Variants in NTN1 observed in about 807,000 individuals in gnomAD.
The protein encoded by NTN1 is netrin-1.
Under a neutral mutation model 54.2 loss-of-function variants are expected in NTN1, and 11 were observed. The ratio of observed to expected loss-of-function variants is 0.20; its 90% CI spans 0.13 to 0.34. The LOEUF is 0.34. Among genes scored for constraint, NTN1 ranks in the 10% least tolerant of loss-of-function variants. The pLI is 1.00. For synonymous variants in NTN1, 371 were observed against 382.0 expected, an observed-to-expected ratio of 0.97 and a Z score of 0.33; for missense variants, 740 against 893.1, an observed-to-expected ratio of 0.83 and a Z score of 2.18.
chr17:9,234,598 G>A (rs572798076), intron 6 of NTN1, among the ~76,000 whole-genome samples: 1 of 152,336 alleles, frequency 6.6e-6, no homozygotes, highest in African/African-American at 2.4e-5. Context: ...TCCCACATCC[G>A]AACCCTGGTT....
intron 2 of NTN1, among the ~76,000 whole-genome samples, chr17:9,152,628 A>T (rs2092330906): frequency 6.6e-6 from 1 of 152,024 alleles, no homozygotes; most frequent in Non-Finnish European, 1.5e-5. Flanking sequence ...CAGCGTCATT[A>T]CCTAGCCTGG....
At chr17:9,234,794 G>A (rs1005528045) in intron 6 of NTN1, among the ~76,000 whole-genome samples, 11 of 152,196 alleles carry the variant, frequency 7.2e-5, no homozygotes, top group African/African-American at 2.4e-4. Flanking sequence ...GCAGGCGGAG[G>A]CCAGGCTCCC....
the NTN1 span, among the ~76,000 whole-genome samples, chr17:9,003,509 C>G: frequency 7.3e-5 from 11 of 150,102 alleles, no homozygotes; most frequent in African/African-American, 2.7e-4. This position sits in a 1 kb window ranked among gnomAD's most constrained non-coding sequence, Gnocchi z 7.4. Flanking sequence ...CCTGCCCGCC[C>G]GGGTCCTTTG....
chr17:9,235,108 G>A (rs1472091231), intron 6 of NTN1, among the ~76,000 whole-genome samples: 2 of 151,972 alleles, frequency 1.3e-5, no homozygotes, highest in African/African-American at 2.4e-5. Flanking sequence ...GATTACAGGT[G>A]TCCACCACCA....
the NTN1 span, among the ~76,000 whole-genome samples, chr17:9,013,568 T>C: frequency 6.6e-6 from 1 of 152,178 alleles, no homozygotes; most frequent in African/African-American, 2.4e-5. Flanking sequence ...CTAAGAGTAT[T>C]TTAAATGATG....
intron 5 of NTN1, among the ~76,000 whole-genome samples, chr17:9,193,939 A>C (rs1341890798): frequency 6.1e-5 from 5 of 81,832 alleles, no homozygotes; most frequent in African/African-American, 1.9e-4. Flanking sequence ...AAAAAAAAAA[A>C]AAAAACATTA....
At chr17:9,179,329 C>A (rs1248376708) in intron 3 of NTN1, among the ~76,000 whole-genome samples, 1 of 152,216 alleles carries the variant, frequency 6.6e-6, no homozygotes, top group Non-Finnish European at 1.5e-5. Flanking sequence ...AACCCCAGAG[C>A]TTCACCAGGC....
chr17:9,073,002 A>G (rs935570752), intron 2 of NTN1, among the ~76,000 whole-genome samples: 8 of 152,234 alleles, frequency 5.3e-5, no homozygotes, highest in African/African-American at 1.9e-4. Flanking sequence ...TAACATGATT[A>G]CCCCAAAGTC....
At chr17:9,004,510 T>C in the NTN1 span, among the ~76,000 whole-genome samples, 1 of 152,212 alleles carries the variant, frequency 6.6e-6, no homozygotes, top group Non-Finnish European at 1.5e-5. Context: ...GGTGACGCGC[T>C]AAGTGTTGGG....
intron 2 of NTN1, among the ~76,000 whole-genome samples, chr17:9,160,296 G>A (rs1474741562): frequency 1.3e-5 from 2 of 151,914 alleles, no homozygotes; most frequent in Admixed American, 1.3e-4. Context: ...GTAGAGACGG[G>A]GTTTCACCAT....
intron 6 of NTN1, among the ~76,000 whole-genome samples, chr17:9,224,008 C>A (rs1905452741): frequency 6.6e-6 from 1 of 152,182 alleles, no homozygotes; most frequent in Non-Finnish European, 1.5e-5. Flanking sequence ...TGTGGAGAGG[C>A]AGCTGGGAGC....
chr17:9,155,838 G>A (rs965625820), intron 2 of NTN1, among the ~76,000 whole-genome samples: 1 of 152,138 alleles, frequency 6.6e-6, no homozygotes, highest in African/African-American at 2.4e-5. Flanking sequence ...GAAGTTTAGC[G>A]ACCTCTCTGG....
chr17:9,088,852 CCTCT>C (rs2092098800), intron 2 of NTN1, among the ~76,000 whole-genome samples: 1 of 152,144 alleles, frequency 6.6e-6, no homozygotes, highest in South Asian at 2.1e-4. Flanking sequence ...GGAGAAACAA[CCTCT>C]CTCCGGGTTC....
intron 2 of NTN1, among the ~76,000 whole-genome samples, chr17:9,039,293 G>C (rs1047927149): frequency 2.6e-4 from 40 of 152,154 alleles, no homozygotes; most frequent in Middle Eastern, 3.2e-3. Context: ...AATGCCATTA[G>C]TAATTTGACA....
In NTN1 at chr17:9,243,268, ACCCAGGGAGGGAGGGTCACAG is replaced by A. The variant is rs373528309; in HGVS notation, c.*3311_*3331del. The A allele has an allele frequency of 1.6e-4, 25 of 151,564 alleles. No homozygotes were observed. The highest frequency in any genetic ancestry group is 4.9e-4 in the African/African-American group (20 of 41,180). The allele number at this position is 151,564 out of a possible 1,614,324, so 9.4% of individuals were successfully genotyped here. ...GGAGGGAGGGACACCTGGGGTCACA[ACCCAGGGAGGGAGGGTCACAG>A]CCCAGGGAGGCTGGGAGCTGCTCCA... is the stretch of plus-strand genomic sequence containing the variant. On this transcript the variant is annotated 3_prime_UTR_variant, in exon 7 of 7. Transcript: ENST00000173229.
At chr17:9,156,719 T>C (rs547840606) in intron 2 of NTN1, among the ~76,000 whole-genome samples, 2 of 152,290 alleles carry the variant, frequency 1.3e-5, no homozygotes, top group African/African-American at 4.8e-5. Context: ...AGCACAGCAG[T>C]CTACTTGAGC....
rs1009233111 is a variant in NTN1, at chr17:9,140,774, C to T, written c.1019-22039C>T. On this transcript the variant is annotated intron_variant, in intron 2 of 6. Coordinates refer to ENST00000173229, the MANE Select transcript of NTN1 (RefSeq NM_004822.3). ...TTGTCCTGCACAGGAGGGAAAAGGT[C>T]GTCTCTCCCTAGAATTCATTACCAC... Among the ~76,000 whole-genome samples, 5 of 152,160 alleles carry T rather than the reference C, an allele frequency of 3.3e-5. No individual in the cohort carries two copies. The South Asian group carries it at 6.2e-4, about 19-fold the overall frequency.
In NTN1 at chr17:9,163,147, G is replaced by GACACACAC. The variant is rs56255655; in HGVS notation, c.1207+177_1207+184dup. 427 of 524,734 alleles carry GACACACAC rather than the reference G, an allele frequency of 8.1e-4. 4 individuals are homozygous for GACACACAC. The highest frequency in any genetic ancestry group is 7.2e-3 in the African/African-American group (364 of 50,852). The allele number at this position is 524,734 out of a possible 1,614,324, so 32.5% of individuals were successfully genotyped here. On this transcript the variant is annotated intron_variant, in intron 3 of 6. Transcript: ENST00000173229. ...CATCTCTCTCTCTTTCTCTCTCTGTGACACACACACACACACACACACACA... is the reference window on the plus strand; with the variant it reads ...CATCTCTCTCTCTTTCTCTCTCTGTGACACACACACACACACACACACACACACACACA...
At position 9,179,765 on chromosome 17, in the gene NTN1, G is replaced by A. The variant is rs545845629; in HGVS notation, c.1208-42G>A. On this transcript the variant is annotated intron_variant, in intron 3 of 6. Transcript: ENST00000173229. Reference sequence around the variant, plus strand: ...AAGGCTCTGCGGGGATGCACTGGCCGCTTCCCCCTTGTCTGACCCTCCCAT... The same window carrying A: ...AAGGCTCTGCGGGGATGCACTGGCCACTTCCCCCTTGTCTGACCCTCCCAT... 67 of 1,594,842 alleles carry A rather than the reference G, an allele frequency of 4.2e-5. No individual in the cohort carries two copies. The South Asian group carries it at 6.7e-4, about 16-fold the overall frequency.
Sources: allele counts gnomAD v4.1 joint callset (sites outside exome capture counted in the v4.1 genomes callset), GRCh38; gene constraint gnomAD v4.1.1; non-coding constraint Gnocchi (gnomAD v3.1); transcripts MANE v1.5; gene names NCBI Gene and HGNC (gene_info 2026-07-23, HGNC 2026-07-21).